COL22A1: variants seen among roughly 807,000 people sequenced by gnomAD.
The protein encoded by COL22A1 is collagen type XXII alpha 1 chain.
COL22A1 carries 221 observed loss-of-function variants against 248.9 expected under a neutral mutation model. The ratio of observed to expected loss-of-function variants is 0.89; its 90% CI spans 0.80 to 0.99. COL22A1 has a LOEUF of 0.99. COL22A1 is among the 50% of genes least tolerant of loss of function. The pLI is 0.00. For missense variants in COL22A1, 2,240 were observed against 2,179.0 expected, an observed-to-expected ratio of 1.03 and a Z score of -0.56; for synonymous variants, 891 against 793.4, an observed-to-expected ratio of 1.12 and a Z score of -2.07.
chr8:138,692,934 C>T (rs1309985579), intron 35 of COL22A1, among the ~76,000 whole-genome samples: 1 of 152,152 alleles, frequency 6.6e-6, no homozygotes, highest in Non-Finnish European at 1.5e-5. Flanking sequence ...CACCCTCTAC[C>T]TGGTACAGGG....
intron 4 of COL22A1, among the ~76,000 whole-genome samples, chr8:138,836,842 T>C (rs547266585): frequency 6.6e-6 from 1 of 152,316 alleles, no homozygotes; most frequent in Admixed American, 6.5e-5. Context: ...AATCCCTCCG[T>C]TCAGTATGCT....
intron 30 of COL22A1, among the ~76,000 whole-genome samples, chr8:138,715,197 T>C (rs560512880): frequency 1.3e-5 from 2 of 152,294 alleles, no homozygotes; most frequent in South Asian, 2.1e-4. Context: ...GGTTTATGTC[T>C]AGCGTATTAT....
chr8:138,669,535 T>C (rs907201247), intron 41 of COL22A1, among the ~76,000 whole-genome samples: 1 of 152,162 alleles, frequency 6.6e-6, no homozygotes, highest in Non-Finnish European at 1.5e-5. Flanking sequence ...TCTTCTCGCT[T>C]AGAAACAAAG....
intron 23 of COL22A1, among the ~76,000 whole-genome samples, chr8:138,729,698 G>A (rs376156955): frequency 1.2e-4 from 19 of 152,294 alleles, no homozygotes; most frequent in African/African-American, 4.6e-4. Context: ...CGCCAGGTGT[G>A]GTGGCAGGAG....
At chr8:138,780,844 C>T in intron 13 of COL22A1, 83 bp downstream of exon 13, 1 of 1,180,390 alleles carries the variant, frequency 8.5e-7, no homozygotes, top group South Asian at 1.2e-5. Context: ...CAATGCCACC[C>T]CACTTAAGGA....
Position 138,662,049 on chromosome 8 carries a change from TGG to T in COL22A1, c.3219_3220del (p.Gln1074GlyfsTer37), listed in dbSNP as rs1293092987. ...ACTTACGTCCCGGCCGGCTGGGCCC[TGG>T]GGGCCAGGGAATCCAGGTAAGCCTC... On this transcript the variant is annotated frameshift_variant, in exon 43 of 65. Coordinates refer to ENST00000303045, the MANE Select transcript of COL22A1 (RefSeq NM_152888.3). LOFTEE classifies it high-confidence loss of function. 6.2e-7 allele frequency: 1 copy of T among 1,612,162 alleles called. No individual in the cohort carries two copies. Among genetic ancestry groups the T allele is most frequent in the East Asian group, 2.2e-5 (1 of 44,738 alleles).
intron 10 of COL22A1, among the ~76,000 whole-genome samples, chr8:138,805,665 GTGTC>G (rs1817514034): frequency 6.7e-6 from 1 of 148,234 alleles, no homozygotes; most frequent in African/African-American, 2.5e-5. Flanking sequence ...GTTATGGTGT[GTGTC>G]TGTGTGTGAT....
intron 22 of COL22A1, among the ~76,000 whole-genome samples, chr8:138,747,626 C>T (rs897784471): frequency 6.6e-6 from 1 of 152,144 alleles, no homozygotes; most frequent in Non-Finnish European, 1.5e-5. Flanking sequence ...CTTCATGGGG[C>T]CTTCCTGCAT....
intron 41 of COL22A1, among the ~76,000 whole-genome samples, chr8:138,671,923 TATAAC>T (rs1462699653): frequency 2.6e-5 from 4 of 152,050 alleles, no homozygotes; most frequent in Non-Finnish European, 5.9e-5. Flanking sequence ...ATATAATACA[TATAAC>T]ATACAAAACA....
At chr8:138,687,666 A>G (rs1037124435) in intron 37 of COL22A1, among the ~76,000 whole-genome samples, 4 of 152,206 alleles carry the variant, frequency 2.6e-5, no homozygotes, top group African/African-American at 9.6e-5. Flanking sequence ...TCCTTTGCAC[A>G]TGACTCCCCA....
At chr8:138,747,366 CA>C (rs1361516592) in intron 22 of COL22A1, among the ~76,000 whole-genome samples, 11 of 152,102 alleles carry the variant, frequency 7.2e-5, no homozygotes, top group Non-Finnish European at 1.0e-4. Context: ...CATCACAAAA[CA>C]TTTTTTGAAA....
chr8:138,607,274 T>A (rs976728653), intron 57 of COL22A1, among the ~76,000 whole-genome samples: 7 of 152,136 alleles, frequency 4.6e-5, no homozygotes, highest in African/African-American at 7.2e-5. Flanking sequence ...GCCTTCTGAG[T>A]CAGGCAGCCA....
At chr8:138,796,785 C>T in intron 12 of COL22A1, 34 bp downstream of exon 12, 1 of 1,473,936 alleles carries the variant, frequency 6.8e-7, no homozygotes, top group Non-Finnish European at 9.5e-7. Flanking sequence ...TGTCCCATTC[C>T]CTTGGAGGAG....
chr8:138,860,955 T>C (rs557122369), intron 3 of COL22A1, among the ~76,000 whole-genome samples: 27 of 152,306 alleles, frequency 1.8e-4, no homozygotes, highest in African/African-American at 6.3e-4. Flanking sequence ...CCACTCCTTC[T>C]GGGAACTTCC....
intron 16 of COL22A1, among the ~76,000 whole-genome samples, chr8:138,771,673 G>T (rs1834377188): frequency 6.6e-6 from 1 of 152,256 alleles, no homozygotes; most frequent in African/African-American, 2.4e-5. Flanking sequence ...CTTGAAGCAA[G>T]TGGGAAAAAG....
chr8:138,780,013 C>T (rs1429834160), intron 13 of COL22A1, among the ~76,000 whole-genome samples: 1 of 152,166 alleles, frequency 6.6e-6, no homozygotes, highest in African/African-American at 2.4e-5. Context: ...TCTCCTGCCT[C>T]GGCCTCCCAA....
intron 41 of COL22A1, among the ~76,000 whole-genome samples, chr8:138,664,205 GCGCGCACACA>G (rs752483502): frequency 0.017 from 1,666 of 96,986 alleles, 25 homozygotes; most frequent in Non-Finnish European, 0.026. Flanking sequence ...GCGCGCGCGC[GCGCGCACACA>G]CACACACACA....
intron 3 of COL22A1, among the ~76,000 whole-genome samples, chr8:138,850,356 GTGA>G (rs1821542372): frequency 3.3e-5 from 5 of 152,354 alleles, no homozygotes; most frequent in African/African-American, 1.2e-4. Flanking sequence ...GGAAGTCTGT[GTGA>G]CATATGCAGT....
intron 1 of COL22A1, among the ~76,000 whole-genome samples, chr8:138,897,436 C>T (rs1825500954): frequency 6.6e-6 from 1 of 152,022 alleles, no homozygotes; most frequent in African/African-American, 2.4e-5. Flanking sequence ...GTAATCACAG[C>T]TACTCAGGAG....
Sources: gnomAD v4.1 joint callset for allele counts (sites outside exome capture counted in the v4.1 genomes callset) on GRCh38, gnomAD v4.1.1 for gene constraint, MANE v1.5 for transcripts, NCBI Gene and HGNC (gene_info 2026-07-23, HGNC 2026-07-21) for gene names.